The following PCDHGB3 variants were observed in gnomAD, a reference collection of about 807,000 sequenced individuals.
PCDHGB3 encodes the protein protocadherin gamma-B3.
Under a neutral mutation model 59.2 loss-of-function variants are expected in PCDHGB3, and 40 were observed. The ratio of observed to expected loss-of-function variants is 0.68; its 90% CI spans 0.52 to 0.88. The LOEUF is 0.88. Among genes scored for constraint, PCDHGB3 ranks in the 40% least tolerant of loss-of-function variants. The pLI, the probability that PCDHGB3 is intolerant of heterozygous loss-of-function variation, is 0.00. For missense variants in PCDHGB3, 1,309 were observed against 1,187.9 expected (o/e 1.10, Z -1.50); for synonymous variants, 581 against 503.6 (o/e 1.15, Z -2.06).
At chr5:141,464,746 T>G (rs1317670068) in intron 1 of PCDHGB3, among the ~76,000 whole-genome samples, 1 of 152,220 alleles carries the variant, frequency 6.6e-6, no homozygotes, top group Non-Finnish European at 1.5e-5. Context: ...TATATCTTTT[T>G]GTTTTTTTAG....
chr5:141,443,656 A>T (rs139300845), intron 1 of PCDHGB3, among the ~76,000 whole-genome samples: 1 of 152,256 alleles, frequency 6.6e-6, no homozygotes, highest in African/African-American at 2.4e-5. Flanking sequence ...TTAGCATAGC[A>T]TTTTACTGAA....
intron 1 of PCDHGB3, chr5:141,398,010 G>A: frequency 7.1e-7 from 1 of 1,408,980 alleles, no homozygotes; most frequent in South Asian, 1.5e-5. Context: ...AAAAAGAATC[G>A]TTTCCTAAAC....
At chr5:141,470,388 T>C (rs1234907080) in intron 1 of PCDHGB3, among the ~76,000 whole-genome samples, 4 of 152,198 alleles carry the variant, frequency 2.6e-5, no homozygotes, top group African/African-American at 9.6e-5. Flanking sequence ...TACTCGATGA[T>C]ATTTAGGATT....
chr5:141,404,683 GGCACCCCGCTCT>G (rs1306876302), intron 1 of PCDHGB3: 2 of 1,614,070 alleles, frequency 1.2e-6, no homozygotes, highest in Admixed American at 1.7e-5. Context: ...GTGTGGAGCT[GGCACCCCGCTCT>G]GCAGAGCCTG....
intron 1 of PCDHGB3, chr5:141,400,209 G>A: frequency 6.2e-7 from 1 of 1,614,052 alleles, no homozygotes; most frequent in South Asian, 1.1e-5. Context: ...CCTTGGCCTT[G>A]ATCTCAGTGC....
chr5:141,437,945 C>A (rs1204633193), intron 1 of PCDHGB3, among the ~76,000 whole-genome samples: 1 of 152,112 alleles, frequency 6.6e-6, no homozygotes, highest in Non-Finnish European at 1.5e-5. Flanking sequence ...ACCATATTGG[C>A]CAGAATGGTC....
intron 1 of PCDHGB3, chr5:141,399,778 C>A (rs187080333): frequency 6.2e-7 from 1 of 1,613,250 alleles, no homozygotes; most frequent in African/African-American, 1.3e-5. Context: ...GGTGGGCGAC[C>A]GAAACGACAA....
chr5:141,492,575 C>T (rs1213639439), intron 1 of PCDHGB3, among the ~76,000 whole-genome samples: 1 of 152,218 alleles, frequency 6.6e-6, no homozygotes, highest in South Asian at 2.1e-4. Flanking sequence ...GAGCGAGGCG[C>T]GGGGCCAGGA....
rs755091154 is a variant in PCDHGB3 at position 141,402,943 on chromosome 5, C to T, written c.2415+30134C>T. The stretch of plus-strand genomic sequence containing the variant: ...AGATCCTTTTGAGAAAATTCCAAAG[C>T]GAGGCAGCAATGGCAGCTCCAACCA... On this transcript the variant is annotated intron_variant, in intron 1 of 3. Transcript: ENST00000576222. 1.1e-5 allele frequency: 17 copies of T among 1,590,762 alleles called. No individual in the cohort carries two copies. The African/African-American group carries it at 2.0e-4, about 19-fold the overall frequency.
At chr5:141,444,692 T>G (rs531452351) in intron 1 of PCDHGB3, among the ~76,000 whole-genome samples, 1 of 152,360 alleles carries the variant, frequency 6.6e-6, no homozygotes, top group South Asian at 2.1e-4. Context: ...TTAAAAATAT[T>G]TTCCTCTTTC....
At chr5:141,382,105 G>A (rs1265846285) in intron 1 of PCDHGB3, among the ~76,000 whole-genome samples, 7 of 152,166 alleles carry the variant, frequency 4.6e-5, no homozygotes, top group African/African-American at 1.7e-4. Flanking sequence ...TGGGATTACA[G>A]GCGTGAGCAA....
chr5:141,469,354 A>G (rs1160934469), intron 1 of PCDHGB3, among the ~76,000 whole-genome samples: 1 of 152,128 alleles, frequency 6.6e-6, no homozygotes, highest in Non-Finnish European at 1.5e-5. Flanking sequence ...AGGTGGATGG[A>G]TCATGAGGTA....
In PCDHGB3 at chr5:141,426,967, T is replaced by C. The variant is rs151241654; in HGVS notation, c.2415+54158T>C. 124 of 456,702 alleles carry C rather than the reference T, an allele frequency of 2.7e-4. 1 individual carries two copies. The highest frequency in any genetic ancestry group is 2.1e-3 in the African/African-American group (103 of 50,178). 28.3% of individuals were successfully genotyped at this position (456,702 alleles called of 1,614,324 possible). A position where few individuals can be genotyped will look rare whatever the true frequency, so the allele number is the denominator to read the frequency against. On this transcript the variant is annotated intron_variant, in intron 1 of 3. Coordinates refer to ENST00000576222, the MANE Select transcript of PCDHGB3 (RefSeq NM_018924.5). ...CCAACTGGCACTGCTGCAATTCAAA[T>C]TGAGGTCACTGATGCCAACGATAAT... is the stretch of plus-strand genomic sequence containing the variant.
chr5:141,420,933 T>C (rs1227912236), intron 1 of PCDHGB3: 1 of 375,320 alleles, frequency 2.7e-6, no homozygotes, highest in African/African-American at 2.1e-5. Context: ...GTGAGCGTAA[T>C]CATTTCTTCT....
chr5:141,430,383 G>GAA (rs139772145), intron 1 of PCDHGB3, among the ~76,000 whole-genome samples: 39 of 138,602 alleles, frequency 2.8e-4, no homozygotes, highest in African/African-American at 7.9e-4. Context: ...AGCTCATTGG[G>GAA]AAAAAAAAAA....
rs551482869 is a variant in PCDHGB3, at chr5:141,372,722, A to G, written c.2328A>G (p.Ala776=). Residue 776 remains alanine (A), a synonymous_variant, in exon 1 of 4, where the codon GCA becomes GCG. Coordinates refer to ENST00000576222, the MANE Select transcript of PCDHGB3 (RefSeq NM_018924.5). ...KFLNIKAENA[A]PQDLLCDEAS... ...TCAATATAAAGGCTGAAAATGCTGCACCACAAGATCTTCTATGTGATGAAG... is the reference window on the plus strand; with the variant it reads ...TCAATATAAAGGCTGAAAATGCTGCGCCACAAGATCTTCTATGTGATGAAG... The G allele has an allele frequency of 2.5e-6, 4 of 1,613,930 alleles. 1 individual carries two copies. In the South Asian group the frequency reaches 4.4e-5, roughly 18 times the overall value.
rs978782104 is a variant in PCDHGB3 at position 141,431,445 on chromosome 5, G to C, written c.2415+58636G>C. 1 of 1,613,742 alleles carries C rather than the reference G, an allele frequency of 6.2e-7. No homozygotes were observed. On this transcript the variant is annotated intron_variant, in intron 1 of 3. Transcript: ENST00000576222. This position sits in a 1 kb window ranked among gnomAD's most constrained non-coding sequence, Gnocchi z 4.8. ...GTGCGCACAGGCACCGCGCGCATCC[G>C]CGTGATGGTTCTGGATGCGAACGAC...
chr5:141,382,186 T>G (rs896758285), intron 1 of PCDHGB3, among the ~76,000 whole-genome samples: 14 of 152,310 alleles, frequency 9.2e-5, no homozygotes, highest in Admixed American at 5.9e-4. Context: ...TAAGGTTCTA[T>G]ACAATCAAAA....
intron 1 of PCDHGB3, among the ~76,000 whole-genome samples, chr5:141,430,380 T>C (rs1464446838): frequency 2.7e-5 from 4 of 147,890 alleles, no homozygotes; most frequent in Non-Finnish European, 4.5e-5. Flanking sequence ...AAAAGCTCAT[T>C]GGGAAAAAAA....
Sources: gnomAD v4.1 joint callset for allele counts (sites outside exome capture counted in the v4.1 genomes callset) on GRCh38, gnomAD v4.1.1 for gene constraint, Gnocchi (gnomAD v3.1) non-coding constraint, MANE v1.5 for transcripts, NCBI Gene and HGNC (gene_info 2026-07-23, HGNC 2026-07-21) for gene names.